Variants in A4GNT observed in about 807,000 individuals in gnomAD.
A4GNT encodes the protein alpha-1,4-N-acetylglucosaminyltransferase.
Under a neutral mutation model 8.3 loss-of-function variants are expected in A4GNT, and 6 were observed. The ratio of observed to expected loss-of-function variants is 0.72; its 90% CI spans 0.39 to 1.42. The LOEUF (loss-of-function observed/expected upper bound fraction) is 1.42, where lower values mean the gene tolerates loss of function less well. A4GNT is among the 40% of genes most tolerant of loss of function. The pLI is 0.02. For missense variants in A4GNT, 377 were observed against 417.0 expected (o/e 0.90, Z 0.84); for synonymous variants, 157 against 159.8 (o/e 0.98, Z 0.13).
intron 2 of A4GNT, among the ~76,000 whole-genome samples, chr3:138,129,284 T>C (rs971376516): frequency 6.6e-6 from 1 of 152,142 alleles, no homozygotes; most frequent in African/African-American, 2.4e-5. Context: ...AACCTTAAGA[T>C]GGGGAGAGTA....
intron 1 of A4GNT, among the ~76,000 whole-genome samples, chr3:138,131,597 G>A (rs924052839): frequency 7.9e-5 from 12 of 151,888 alleles, no homozygotes; most frequent in African/African-American, 2.9e-4. Flanking sequence ...CAAGAAATAT[G>A]TGAGAAAGAA....
Position 138,124,409 on chromosome 3 carries a change from A to G in A4GNT, c.878T>C (p.Met293Thr). The G allele has an allele frequency of 6.2e-7, 1 of 1,614,170 alleles. No individual in the cohort carries two copies. Among genetic ancestry groups the G allele is most frequent in the Non-Finnish European group, 8.5e-7 (1 of 1,180,036 alleles). ...VSYALHLWNHMNQEGRAVIRG... is the reference protein window; with the variant it reads ...VSYALHLWNHTNQEGRAVIRG... ...AATCACAGCCCGCCCCTCCTGGTTC[A>G]TGTGGTTCCACAAATGCAGGGCATA... The change falls in exon 3 of 3, where the codon ATG becomes ACG. Residue 293 changes from methionine (M) to threonine (T), a missense_variant. Physicochemically the swap from Met to Thr is moderately conservative, Grantham distance 81. Coordinates refer to ENST00000236709, the MANE Select transcript of A4GNT (RefSeq NM_016161.3).
intron 2 of A4GNT, among the ~76,000 whole-genome samples, chr3:138,127,462 T>C (rs757481691): frequency 1.3e-5 from 2 of 151,440 alleles, no homozygotes; most frequent in Non-Finnish European, 2.9e-5. Context: ...TAGTCCCAGC[T>C]ACTTGGGAGG....
At position 138,129,927 on chromosome 3, in the gene A4GNT, G is replaced by C. The variant is rs533064114; in HGVS notation, c.408+922C>G. On this transcript the variant is annotated intron_variant, in intron 2 of 2. Coordinates refer to ENST00000236709, the MANE Select transcript of A4GNT (RefSeq NM_016161.3). ...CTACAGGTGCATGCCAGCACACCCAGTGTGAATAGTATTATTTTTATGTCA... is the reference window on the plus strand; with the variant it reads ...CTACAGGTGCATGCCAGCACACCCACTGTGAATAGTATTATTTTTATGTCA... Among the ~76,000 whole-genome samples, 273 of 152,304 alleles carry C rather than the reference G, an allele frequency of 1.8e-3. 1 individual carries two copies. The highest frequency in any genetic ancestry group is 0.01 in the Middle Eastern group (3 of 294).
At chr3:138,131,355 C>A in intron 1 of A4GNT, 73 bp from the exon 2 acceptor site, 1 of 1,175,722 alleles carries the variant, frequency 8.5e-7, no homozygotes, top group East Asian at 2.8e-5. Context: ...GAAAATGATA[C>A]ATGAATATCA....
chr3:138,125,271 C>T (rs750334444), intron 2 of A4GNT, among the ~76,000 whole-genome samples: 14 of 151,938 alleles, frequency 9.2e-5, no homozygotes, highest in African/African-American at 3.4e-4. Context: ...CCAAATAAAG[C>T]CCTTAAAATG....
Position 138,131,098 on chromosome 3 carries a change from C to T in A4GNT, c.159G>A (p.Val53=), listed in dbSNP as rs2107888547. The change falls in exon 2 of 3, where the codon GTG becomes GTA. Residue 53 remains valine, a synonymous_variant. Transcript: ENST00000236709. ...CCATTCTCTCTGAGGTCTCTAGAAACACAATGCCACGTCTGTGGCTCAGGA... is the reference window on the plus strand; with the variant it reads ...CCATTCTCTCTGAGGTCTCTAGAAATACAATGCCACGTCTGTGGCTCAGGA... The part of the protein sequence containing the change: ...EALLSHRRGI[V]FLETSERMEP... 6.2e-7 allele frequency: 1 copy of T among 1,613,580 alleles called. No individual in the cohort carries two copies. The highest frequency in any genetic ancestry group is 1.3e-5 in the African/African-American group (1 of 74,970).
upstream of A4GNT, among the ~76,000 whole-genome samples, chr3:138,132,987 C>G (rs987785967): frequency 3.3e-5 from 5 of 152,302 alleles, no homozygotes; most frequent in African/African-American, 9.6e-5. Flanking sequence ...TGGCAGTCCC[C>G]ACATTTCCCA....
At chr3:138,132,620 T>A (rs1414351085), upstream of A4GNT, among the ~76,000 whole-genome samples, 1 of 152,098 alleles carries the variant, frequency 6.6e-6, no homozygotes, top group African/African-American at 2.4e-5. Flanking sequence ...ATTATGGGGG[T>A]TATAAAGGGA....
At position 138,125,895 on chromosome 3, in the gene A4GNT, A is replaced by G. The variant is rs73867015; in HGVS notation, c.409-1017T>C. Among the ~76,000 whole-genome samples, 416 of 151,942 alleles carry G rather than the reference A, an allele frequency of 2.7e-3. 3 individuals are homozygous for G. Among genetic ancestry groups the G allele is most frequent in the African/African-American group, 8.7e-3 (360 of 41,418 alleles). Reference sequence around the variant, plus strand: ...GAGGCAGTGAGCTGAAGCAGAGCTGAGAAGGGAGTGGGGTAGGCAATGAGA... The same window carrying G: ...GAGGCAGTGAGCTGAAGCAGAGCTGGGAAGGGAGTGGGGTAGGCAATGAGA... On this transcript the variant is annotated intron_variant, in intron 2 of 2. Coordinates refer to ENST00000236709, the MANE Select transcript of A4GNT (RefSeq NM_016161.3).
upstream of A4GNT, among the ~76,000 whole-genome samples, chr3:138,132,628 G>T (rs979484021): frequency 1.3e-5 from 2 of 152,096 alleles, no homozygotes; most frequent in Admixed American, 1.3e-4. Flanking sequence ...GGTTATAAAG[G>T]GATTATTTCA....
Position 138,123,969 on chromosome 3 carries a change from C to G in A4GNT, c.*295G>C. The stretch of plus-strand genomic sequence containing the variant: ...AAGAGAAAGTGTTATACGGTACTTG[C>G]AGGAAGTCTTCACAAAATAAAGCAA... On this transcript the variant is annotated 3_prime_UTR_variant, in exon 3 of 3. Coordinates refer to ENST00000236709, the MANE Select transcript of A4GNT (RefSeq NM_016161.3). The G allele has an allele frequency of 2.8e-6, 1 of 352,024 alleles. No homozygotes were observed. Among genetic ancestry groups the G allele is most frequent in the African/African-American group, 2.1e-5 (1 of 48,408 alleles). The allele number at this position is 352,024 out of a possible 1,614,324, so 21.8% of individuals were successfully genotyped here.
At chr3:138,125,701 G>C in intron 2 of A4GNT, among the ~76,000 whole-genome samples, 1 of 152,188 alleles carries the variant, frequency 6.6e-6, no homozygotes, top group East Asian at 1.9e-4. Flanking sequence ...TTCTCTTGCA[G>C]TAGAGATTGT....
chr3:138,130,039 A>C (rs1427412699), intron 2 of A4GNT, among the ~76,000 whole-genome samples: 1 of 152,032 alleles, frequency 6.6e-6, no homozygotes, highest in Non-Finnish European at 1.5e-5. Flanking sequence ...TAATCCAATT[A>C]TACGAAAACA....
Position 138,131,096 on chromosome 3 carries a change from A to G in A4GNT, c.161T>C (p.Phe54Ser). 1.9e-6 allele frequency: 3 copies of G among 1,613,566 alleles called. No homozygotes were observed. The highest frequency in any genetic ancestry group is 2.5e-6 in the Non-Finnish European group (3 of 1,179,600). ...CTCCATTCTCTCTGAGGTCTCTAGA[A>G]ACACAATGCCACGTCTGTGGCTCAG... Reference protein sequence around the residue: ...ALLSHRRGIVFLETSERMEPP... With the variant: ...ALLSHRRGIVSLETSERMEPP... Residue 54 changes from phenylalanine to serine, a missense_variant, in exon 2 of 3, where the codon TTT (phenylalanine) becomes TCT (serine). Transcript: ENST00000236709.
At position 138,130,838 on chromosome 3, in the gene A4GNT, TA is replaced by T; in HGVS notation, c.408+10del. 6.2e-7 allele frequency: 1 copy of T among 1,611,968 alleles called. No individual in the cohort carries two copies. The highest frequency in any genetic ancestry group is 1.1e-5 in the South Asian group (1 of 90,792). On this transcript the variant is annotated intron_variant, in intron 2 of 2. Transcript: ENST00000236709. ...AATTCGTTGACATTTTAAGTTTCCCTAAACACTTACTTGATTGTACCATGAA... is the reference window on the plus strand; with the variant it reads ...AATTCGTTGACATTTTAAGTTTCCCTAACACTTACTTGATTGTACCATGAA...
rs1255645668 is a variant in A4GNT, at chr3:138,124,499, A to G, written c.788T>C (p.Ile263Thr). The change falls in exon 3 of 3, where the codon ATC becomes ACC. Residue 263 changes from isoleucine (I) to threonine (T), a missense_variant. Transcript: ENST00000236709. ...SFLHPQRFYP[I>T]SYREWRRYYE... ...GTAGCGCCTCCACTCTCGATAGGAGATGGGGTAAAATCTTTGGGGGTGTAA... is the reference window on the plus strand; with the variant it reads ...GTAGCGCCTCCACTCTCGATAGGAGGTGGGGTAAAATCTTTGGGGGTGTAA... The G allele has an allele frequency of 6.2e-7, 1 of 1,614,142 alleles. No homozygotes were observed. Among genetic ancestry groups the G allele is most frequent in the Non-Finnish European group, 8.5e-7 (1 of 1,180,026 alleles).
Position 138,124,063 on chromosome 3 carries a change from T to C in A4GNT, c.*201A>G. On this transcript the variant is annotated 3_prime_UTR_variant, in exon 3 of 3. Transcript: ENST00000236709. Reference sequence around the variant, plus strand: ...ACATGGTGGGTTGGAGGTCAAGCAGTCAAATGGACCATGGGTGTATGTTTT... The same window carrying C: ...ACATGGTGGGTTGGAGGTCAAGCAGCCAAATGGACCATGGGTGTATGTTTT... 1.5e-6 allele frequency: 1 copy of C among 653,012 alleles called. No homozygotes were observed. The highest frequency in any genetic ancestry group is 2.4e-6 in the Non-Finnish European group (1 of 409,284). 40.5% of individuals were successfully genotyped at this position (653,012 alleles called of 1,614,324 possible). A position where few individuals can be genotyped will look rare whatever the true frequency, so the allele number is the denominator to read the frequency against.
At chr3:138,130,261 G>A in intron 2 of A4GNT, among the ~76,000 whole-genome samples, 1 of 152,060 alleles carries the variant, frequency 6.6e-6, no homozygotes, top group East Asian at 1.9e-4. Flanking sequence ...TTGAGTTGTT[G>A]TACTATAATT....
Sources: allele counts gnomAD v4.1 joint callset (sites outside exome capture counted in the v4.1 genomes callset), GRCh38; gene constraint gnomAD v4.1.1; transcripts MANE v1.5; gene names NCBI Gene and HGNC (gene_info 2026-07-23, HGNC 2026-07-21).